SEC23B: variants seen among roughly 807,000 people sequenced by gnomAD.
SEC23B encodes SEC23 homolog B, COPII component.
SEC23B carries 77 observed loss-of-function variants against 104.3 expected under a neutral mutation model. That is an observed-to-expected ratio of 0.74 (90% CI 0.61 to 0.89). The LOEUF (loss-of-function observed/expected upper bound fraction) is 0.89, where lower values mean the gene tolerates loss of function less well. Ranked by LOEUF, SEC23B falls within the 40% of genes least tolerant of loss-of-function variation. The pLI is 0.00. For missense variants in SEC23B, 885 were observed against 949.4 expected, an observed-to-expected ratio of 0.93 and a Z score of 0.89; for synonymous variants, 338 against 332.5, an observed-to-expected ratio of 1.02 and a Z score of -0.18.
At chr20:18,526,264 T>G in intron 7 of SEC23B, 109 bp from the exon 8 acceptor site, 1 of 1,286,378 alleles carries the variant, frequency 7.8e-7, no homozygotes, top group Non-Finnish European at 1.1e-6. Context: ...TCACCACTTT[T>G]TAGGACAGCT....
rs1320587092 is a variant in SEC23B at position 18,512,214 on chromosome 20, C to T, written c.222-11C>T. ...AGTGGTACCTACTTATAATATTTAT[C>T]TTTCTCACAGTCAGGTTGATTATCG... is the stretch of plus-strand genomic sequence containing the variant. On this transcript the variant is annotated splice_polypyrimidine_tract_variant and intron_variant, in intron 2 of 19. Coordinates refer to ENST00000650089, the MANE Select transcript of SEC23B (RefSeq NM_006363.6). 1.3e-6 allele frequency: 2 copies of T among 1,557,040 alleles called. No individual in the cohort carries two copies. The highest frequency in any genetic ancestry group is 1.8e-6 in the Non-Finnish European group (2 of 1,134,540).
chr20:18,551,170 G>T lies in SEC23B; in HGVS notation c.1987G>T (p.Gly663Cys). The T allele has an allele frequency of 6.5e-7, 1 of 1,539,020 alleles. No homozygotes were observed. Among genetic ancestry groups the T allele is most frequent in the Non-Finnish European group, 9.0e-7 (1 of 1,117,194 alleles). The change falls in exon 17 of 20, where the codon GGT (glycine) becomes TGT (cysteine). Residue 663 changes from glycine (G) to cysteine (C), a missense_variant. Gly to Cys is a radical substitution (Grantham distance 159). Transcript: ENST00000650089. ...DTFFQIVIYLGETIAQWRKAG... is the reference protein window; with the variant it reads ...DTFFQIVIYLCETIAQWRKAG... ...TTTCTTTCAAATTGTCATTTATCTT[G>T]GTGAGGTAAGATGATATTATTAATT...
At chr20:18,535,347 C>G (rs2060220182) in intron 11 of SEC23B, among the ~76,000 whole-genome samples, 1 of 151,776 alleles carries the variant, frequency 6.6e-6, no homozygotes. Flanking sequence ...GGCACTCCAG[C>G]CTGGGCAACA....
At chr20:18,512,848 G>A (rs548084987) in intron 3 of SEC23B, among the ~76,000 whole-genome samples, 7 of 151,970 alleles carry the variant, frequency 4.6e-5, no homozygotes, top group South Asian at 2.1e-4. Flanking sequence ...TCAAGAAATC[G>A]AGACCATTCT....
In SEC23B at chr20:18,559,080, T is replaced by TG. The variant is rs71194250; in HGVS notation, c.2215-1563dup. Among the ~76,000 whole-genome samples, 701 of 121,406 alleles carry TG rather than the reference T, an allele frequency of 5.8e-3. 12 individuals carry two copies. The highest frequency in any genetic ancestry group is 0.011 in the South Asian group (41 of 3,638). 79.6% of individuals were successfully genotyped at this position (121,406 alleles called of 152,430 possible). On this transcript the variant is annotated intron_variant, in intron 19 of 19. Coordinates refer to ENST00000650089, the MANE Select transcript of SEC23B (RefSeq NM_006363.6). ...CTACTCTGACAGGGAAGGTGGTTGG[T>TG]GGGGGGGGTGTCGGGGGCACTGGTG... is the stretch of plus-strand genomic sequence containing the variant.
intron 4 of SEC23B, among the ~76,000 whole-genome samples, chr20:18,518,130 G>A (rs1775094750): frequency 6.6e-6 from 1 of 152,182 alleles, no homozygotes; most frequent in South Asian, 2.1e-4. Flanking sequence ...AACTGTTTGG[G>A]TGATTTGACT....
Position 18,524,915 on chromosome 20 carries a change from T to C in SEC23B, c.604-20T>C, listed in dbSNP as rs771281152. 4 of 1,611,274 alleles carry C rather than the reference T, an allele frequency of 2.5e-6. No individual in the cohort carries two copies. Among genetic ancestry groups the C allele is most frequent in the Non-Finnish European group, 3.4e-6 (4 of 1,177,884 alleles). ...TTAGTGTCATTGGAAATGAATCTTT[T>C]TGGCTTTTTTTTTTTTAAGGATATG... On this transcript the variant is annotated intron_variant, in intron 5 of 19. Transcript: ENST00000650089.
At chr20:18,556,577 AACT>A (rs1410671676) in intron 19 of SEC23B, among the ~76,000 whole-genome samples, 2 of 152,190 alleles carry the variant, frequency 1.3e-5, no homozygotes, top group Non-Finnish European at 2.9e-5. Context: ...CAATCTGAAT[AACT>A]TTTACTTTAT....
In SEC23B at chr20:18,560,738, T is replaced by A; in HGVS notation, c.2302T>A (p.Ter768LysextTer35). 6.2e-7 allele frequency: 1 copy of A among 1,611,516 alleles called. No homozygotes were observed. The highest frequency in any genetic ancestry group is 8.5e-7 in the Non-Finnish European group (1 of 1,177,748). Residue 768 changes from the stop codon to lysine, a stop_lost, in exon 20 of 20, where the codon TAA becomes AAA. Coordinates refer to ENST00000650089, the MANE Select transcript of SEC23B (RefSeq NM_006363.6). ...GAAGCTGGCTGTCTCCAGTGCCTGT[T>A]AAGCTGAGGATACAACCAGGAAATG... ...LKKLAVSSAC[*>K] is the part of the protein sequence containing the mutation.
At chr20:18,508,227 A>G (rs1307431615) in intron 1 of SEC23B, 1 of 152,214 alleles carries the variant, frequency 6.6e-6, no homozygotes, top group African/African-American at 2.4e-5. Flanking sequence ...GTCCCGTTTT[A>G]TAGTTGAGAA....
At position 18,511,012 on chromosome 20, in the gene SEC23B, G is replaced by T. The variant is rs1486558976; in HGVS notation, c.177G>T (p.Val59=). 6.2e-7 allele frequency: 1 copy of T among 1,614,158 alleles called. No individual in the cohort carries two copies. The highest frequency in any genetic ancestry group is 1.7e-5 in the Admixed American group (1 of 60,024). Residue 59 remains valine (V), a synonymous_variant, in exon 2 of 20, where the codon GTG becomes GTT. Coordinates refer to ENST00000650089, the MANE Select transcript of SEC23B (RefSeq NM_006363.6). ...PDLPPVQYEP[V]LCSRPTCKAV... ...TACCTCCTGTACAATATGAACCTGT[G>T]CTTTGCAGCAGGCCAACTTGTAAAG...
chr20:18,533,390 A>T (rs976962347), intron 11 of SEC23B, among the ~76,000 whole-genome samples: 1 of 152,210 alleles, frequency 6.6e-6, no homozygotes, highest in Non-Finnish European at 1.5e-5. Context: ...TTACACAGTC[A>T]TGTTCTTCCC....
Position 18,512,300 on chromosome 20 carries a change from A to T in SEC23B, c.279+18A>T, listed in dbSNP as rs769730409. The T allele has an allele frequency of 3.5e-4, 509 of 1,462,188 alleles. No homozygotes were observed. Among genetic ancestry groups the T allele is most frequent in the Non-Finnish European group, 4.5e-4 (471 of 1,049,896 alleles). 90.6% of individuals were successfully genotyped at this position (1,462,188 alleles called of 1,614,324 possible). ...GAAATCAGGTATGTGAATTATTTTTAAAAAATGTTATATGTTTTATTTTAG... is the reference window on the plus strand; with the variant it reads ...GAAATCAGGTATGTGAATTATTTTTTAAAAATGTTATATGTTTTATTTTAG... On this transcript the variant is annotated intron_variant, in intron 3 of 19. Coordinates refer to ENST00000650089, the MANE Select transcript of SEC23B (RefSeq NM_006363.6).
intron 12 of SEC23B, among the ~76,000 whole-genome samples, chr20:18,541,928 G>T (rs2060290947): frequency 6.6e-6 from 1 of 152,130 alleles, no homozygotes; most frequent in African/African-American, 2.4e-5. Context: ...GTCTGTGTTT[G>T]TTTAATGATT....
intron 1 of SEC23B, 138 bp downstream of exon 1, chr20:18,508,110 G>A (rs2281576): frequency 6.6e-6 from 1 of 152,100 alleles, no homozygotes; most frequent in African/African-American, 2.4e-5. Flanking sequence ...GCGGGGGAAT[G>A]GATGATCCGG....
At chr20:18,556,234 T>C (rs2876495) in intron 19 of SEC23B, among the ~76,000 whole-genome samples, 139,552 of 152,110 alleles carry the variant, frequency 0.92, 65,038 homozygotes, top group Non-Finnish European at 1. Flanking sequence ...GGCCAAGGAC[T>C]GGTACTATCC....
intron 18 of SEC23B, 93 bp from the exon 19 acceptor site, chr20:18,555,011 CCAAA>C (rs2060422599): frequency 2.9e-6 from 3 of 1,044,258 alleles, no homozygotes; most frequent in Non-Finnish European, 4.4e-6. Flanking sequence ...TCTAATTTAA[CCAAA>C]CAAATGTTGT....
intron 12 of SEC23B, among the ~76,000 whole-genome samples, chr20:18,537,410 A>G (rs2060242439): frequency 6.6e-6 from 1 of 151,676 alleles, no homozygotes; most frequent in South Asian, 2.1e-4. Context: ...CTATGCAGCC[A>G]TAAAAAACGA....
At chr20:18,509,879 C>T (rs1407768811) in intron 1 of SEC23B, 2 of 152,240 alleles carry the variant, frequency 1.3e-5, no homozygotes, top group African/African-American at 2.4e-5. Context: ...AGCCACCACA[C>T]CTGGCCTTGA....
Sources: allele counts gnomAD v4.1 joint callset (sites outside exome capture counted in the v4.1 genomes callset), GRCh38; gene constraint gnomAD v4.1.1; transcripts MANE v1.5; gene names NCBI Gene and HGNC (gene_info 2026-07-23, HGNC 2026-07-21).